The following LRIG2 variants were observed in gnomAD, a reference collection of about 807,000 sequenced individuals.
LRIG2 encodes the protein leucine-rich repeats and immunoglobulin-like domains protein 2.
LRIG2 carries 93 observed loss-of-function variants against 107.8 expected under a neutral mutation model. The observed-to-expected ratio is 0.86, with a 90% CI of 0.73 to 1.03. LRIG2 has a LOEUF of 1.03. Among genes scored for constraint, LRIG2 ranks in the 50% least tolerant of loss-of-function variants. The pLI, the probability that LRIG2 is intolerant of heterozygous loss-of-function variation, is 0.00. For synonymous variants in LRIG2, 471 were observed against 470.6 expected, an observed-to-expected ratio of 1.00 and a Z score of -0.01; for missense variants, 1,226 against 1,296.0, an observed-to-expected ratio of 0.95 and a Z score of 0.83.
rs1655579641 is a variant in LRIG2, at chr1:113,128,649, G to A, written c.*4548G>A. 6.6e-6 allele frequency: 1 copy of A among 152,156 alleles called. No individual in the cohort carries two copies. The highest frequency in any genetic ancestry group is 2.4e-5 in the African/African-American group (1 of 41,416). The allele number at this position is 152,156 out of a possible 1,614,324, so 9.4% of individuals were successfully genotyped here. A position where few individuals can be genotyped will look rare whatever the true frequency, so the allele number is the denominator to read the frequency against. On this transcript the variant is annotated 3_prime_UTR_variant, in exon 18 of 18. Transcript: ENST00000361127. ...CAGATGTATTTCCTTTATAGCAGGA[G>A]TAATGGTCTAAGAAATACTCATTAG...
intron 2 of LRIG2, among the ~76,000 whole-genome samples, chr1:113,092,045 C>T (rs906820521): frequency 6.6e-6 from 1 of 152,188 alleles, no homozygotes; most frequent in African/African-American, 2.4e-5. Flanking sequence ...CTTCTTCATG[C>T]TCATTGTCTC....
chr1:113,098,124 ATT>A, intron 8 of LRIG2, among the ~76,000 whole-genome samples: 1 of 152,190 alleles, frequency 6.6e-6, no homozygotes, highest in Admixed American at 6.5e-5. Context: ...GGAACAGTGA[ATT>A]TTAGGAGATC....
rs541699642 is a variant in LRIG2 at position 113,073,265 on chromosome 1, C to T, written c.-142C>T. 4.5e-5 allele frequency: 32 copies of T among 717,648 alleles called. No homozygotes were observed. Among genetic ancestry groups the T allele is most frequent in the African/African-American group, 3.9e-4 (22 of 56,796 alleles). The allele number at this position is 717,648 out of a possible 1,614,324, so 44.5% of individuals were successfully genotyped here. ...CCCCGCTGTCGCGCTGCGTCTGCTC[C>T]TTGCATGCCTTTAGATGGTACAGCC... On this transcript the variant is annotated 5_prime_UTR_variant, in exon 1 of 18. Coordinates refer to ENST00000361127, the MANE Select transcript of LRIG2 (RefSeq NM_014813.3).
chr1:113,102,953 C>T (rs1654366949), intron 11 of LRIG2, among the ~76,000 whole-genome samples: 1 of 151,670 alleles, frequency 6.6e-6, no homozygotes, highest in Non-Finnish European at 1.5e-5. Flanking sequence ...TTCTCATAGG[C>T]TTAGTTTAAT....
At chr1:113,075,404 C>T (rs2101009378) in intron 1 of LRIG2, among the ~76,000 whole-genome samples, 1 of 152,292 alleles carries the variant, frequency 6.6e-6, no homozygotes, top group Middle Eastern at 3.4e-3. Context: ...AAAAAATTAA[C>T]ATAAATAATC....
intron 1 of LRIG2, among the ~76,000 whole-genome samples, chr1:113,076,185 C>T (rs1274448236): frequency 6.7e-6 from 1 of 148,788 alleles, no homozygotes; most frequent in East Asian, 2.0e-4. Flanking sequence ...TTTGTATTTT[C>T]AGTAGAGACG....
chr1:113,105,204 C>CT (rs1489039486), intron 11 of LRIG2, among the ~76,000 whole-genome samples: 1 of 152,074 alleles, frequency 6.6e-6, no homozygotes, highest in Non-Finnish European at 1.5e-5. Flanking sequence ...ACAGACAAAA[C>CT]TTAATTCACA....
At chr1:113,084,029 TAATAATAATAA>T (rs1557898220) in intron 1 of LRIG2, among the ~76,000 whole-genome samples, 28 of 142,792 alleles carry the variant, frequency 2.0e-4, no homozygotes, top group Non-Finnish European at 2.6e-4. Context: ...ATAATAATAA[TAATAATAATAA>T]TATTGGCCTT....
At chr1:113,105,889 T>C (rs541837259) in intron 11 of LRIG2, among the ~76,000 whole-genome samples, 8 of 152,346 alleles carry the variant, frequency 5.3e-5, no homozygotes, top group African/African-American at 1.9e-4. Flanking sequence ...TAACAATATG[T>C]CAACTTTGAA....
At chr1:113,082,812 C>G (rs1653348935) in intron 1 of LRIG2, among the ~76,000 whole-genome samples, 1 of 152,144 alleles carries the variant, frequency 6.6e-6, no homozygotes, top group Admixed American at 6.6e-5. Flanking sequence ...TGCCACCATG[C>G]CTGACTAATG....
chr1:113,075,992 C>T (rs1203555030), intron 1 of LRIG2, among the ~76,000 whole-genome samples: 2 of 147,448 alleles, frequency 1.4e-5, no homozygotes, highest in African/African-American at 2.5e-5. Context: ...CCACCAAGCC[C>T]GGCCTGGCCT....
Position 113,126,601 on chromosome 1 carries a change from G to A in LRIG2, c.*2500G>A, listed in dbSNP as rs1334444445. 9 of 152,206 alleles carry A rather than the reference G, an allele frequency of 5.9e-5. No individual in the cohort carries two copies. The highest frequency in any genetic ancestry group is 1.3e-4 in the Non-Finnish European group (9 of 68,028). The allele number at this position is 152,206 out of a possible 1,614,324, so 9.4% of individuals were successfully genotyped here. A position where few individuals can be genotyped will look rare whatever the true frequency, so the allele number is the denominator to read the frequency against. ...TTGAATCTGAAATTACCACTATATG[G>A]ATTACTCTGGCTCACTGCTGTCCAA... On this transcript the variant is annotated 3_prime_UTR_variant, in exon 18 of 18. Transcript: ENST00000361127.
chr1:113,093,241 AT>A lies in LRIG2; in HGVS notation c.345del (p.Phe115LeufsTer13). 6.3e-7 allele frequency: 1 copy of A among 1,599,682 alleles called. No individual in the cohort carries two copies. The highest frequency in any genetic ancestry group is 1.1e-5 in the South Asian group (1 of 87,544). ...TACAATGAACTAACAGAAATCCCGTATTTTGGAGAACCTACATCTAATATTA... is the reference window on the plus strand; with the variant it reads ...TACAATGAACTAACAGAAATCCCGTATTTGGAGAACCTACATCTAATATTA... The part of the protein sequence containing the change: ...MNYNELTEIP[Y>X]FGEPTSNITL... On this transcript the variant is annotated frameshift_variant, in exon 3 of 18. Transcript: ENST00000361127. LOFTEE classifies it high-confidence loss of function.
intron 1 of LRIG2, among the ~76,000 whole-genome samples, chr1:113,080,520 C>T (rs967391407): frequency 6.6e-6 from 1 of 152,086 alleles, no homozygotes; most frequent in African/African-American, 2.4e-5. Context: ...GCTGGGACTA[C>T]AGGCACCTAC....
chr1:113,081,646 G>A (rs12063286), intron 1 of LRIG2, among the ~76,000 whole-genome samples: 2,669 of 151,844 alleles, frequency 0.018, 93 homozygotes, highest in African/African-American at 0.061. Flanking sequence ...TCAGCCTCCC[G>A]AGTAGCTGGG....
chr1:113,105,963 C>T (rs1316556920), intron 11 of LRIG2, among the ~76,000 whole-genome samples: 1 of 152,148 alleles, frequency 6.6e-6, no homozygotes, highest in South Asian at 2.1e-4. Context: ...GGCATGGTGG[C>T]TCACGCCTGT....
chr1:113,089,974 C>T lies in LRIG2; in HGVS notation c.240-1344C>T, dbSNP rs374659463. On this transcript the variant is annotated intron_variant, in intron 1 of 17. Transcript: ENST00000361127. ...CCTCCCAAAGTGCTGGGATTACAGGCGTGAGCCACTATGCCTGGCCTTTTT... is the reference window on the plus strand; with the variant it reads ...CCTCCCAAAGTGCTGGGATTACAGGTGTGAGCCACTATGCCTGGCCTTTTT... Among the ~76,000 whole-genome samples the T allele has an allele frequency of 2.6e-3, 395 of 150,110 alleles. 2 individuals carry two copies. The highest frequency in any genetic ancestry group is 9.1e-3 in the African/African-American group (372 of 40,986).
At position 113,095,976 on chromosome 1, in the gene LRIG2, C is replaced by G. The variant is rs758660341; in HGVS notation, c.906C>G (p.Ile302Met). ...TGAGCCAGAATGCTATTGAAAGAAT[C>G]AGCCCTGATGCATGGGAGTTCTGCC... ...LYVSQNAIER[I>M]SPDAWEFCQR... The change falls in exon 7 of 18, where the codon ATC (isoleucine) becomes ATG (methionine). Residue 302 changes from isoleucine to methionine, a missense_variant. Ile to Met is a conservative substitution (Grantham distance 10). Transcript: ENST00000361127. 26 of 1,614,216 alleles carry G rather than the reference C, an allele frequency of 1.6e-5. No individual in the cohort carries two copies. The highest frequency in any genetic ancestry group is 2.0e-5 in the Non-Finnish European group (24 of 1,180,036).
At position 113,093,555 on chromosome 1, in the gene LRIG2, T is replaced by C. The variant is rs773827483; in HGVS notation, c.506T>C (p.Leu169Pro). 1.9e-5 allele frequency: 31 copies of C among 1,602,804 alleles called. No homozygotes were observed. Among genetic ancestry groups the C allele is most frequent in the Non-Finnish European group, 2.6e-5 (30 of 1,174,838 alleles). Residue 169 changes from leucine (L) to proline (P), a missense_variant, in exon 4 of 18, where the codon CTT becomes CCT. Leu to Pro is a moderately conservative substitution (Grantham distance 98). This residue lies in a region of LRIG2 where 570 missense variants were observed against 550.2 expected (regional missense o/e 1.04). Coordinates refer to ENST00000361127, the MANE Select transcript of LRIG2 (RefSeq NM_014813.3). ...ACATCTTCATTTCCTCGCATGCAGCTTAAATACCTGTAAGTAACACAGATT... is the reference window on the plus strand; with the variant it reads ...ACATCTTCATTTCCTCGCATGCAGCCTAAATACCTGTAAGTAACACAGATT... ...IKTSSFPRMQLKYLNLSNNRI... is the reference protein window; with the variant it reads ...IKTSSFPRMQPKYLNLSNNRI...
Sources: allele counts gnomAD v4.1 joint callset (sites outside exome capture counted in the v4.1 genomes callset), GRCh38; gene constraint gnomAD v4.1.1; regional missense constraint gnomAD v4.1.1; transcripts MANE v1.5; gene names NCBI Gene and HGNC (gene_info 2026-07-23, HGNC 2026-07-21).